Variants in ELMO1 observed in about 807,000 individuals in gnomAD.
ELMO1 encodes the protein engulfment and cell motility 1, also known as engulfment and cell motility protein 1.
Under a neutral mutation model 98.9 loss-of-function variants are expected in ELMO1, and 26 were observed. The ratio of observed to expected loss-of-function variants is 0.26; its 90% confidence interval spans 0.19 to 0.36. The LOEUF is 0.36. ELMO1 is among the 10% of genes least tolerant of loss of function. The pLI, the probability that ELMO1 is intolerant of heterozygous loss-of-function variation, is 1.00. For synonymous variants in ELMO1, 346 were observed against 346.0 expected, an observed-to-expected ratio of 1.00 and a Z score of 0.00; for missense variants, 627 against 935.2, an observed-to-expected ratio of 0.67 and a Z score of 4.30.
intron 4 of ELMO1, among the ~76,000 whole-genome samples, chr7:37,295,648 A>G (rs1157416989): frequency 1.3e-5 from 2 of 152,230 alleles, no homozygotes; most frequent in Non-Finnish European, 2.9e-5. Flanking sequence ...GTCTTTTTAA[A>G]AAGCACCTAT....
intron 16 of ELMO1, among the ~76,000 whole-genome samples, chr7:36,949,775 C>T (rs1376643061): frequency 6.6e-6 from 1 of 152,066 alleles, no homozygotes; most frequent in African/African-American, 2.4e-5. Context: ...CTGGCCTCTG[C>T]TCACTAGATA....
chr7:37,343,487 C>CTT (rs10571805), intron 1 of ELMO1, among the ~76,000 whole-genome samples: 456 of 92,754 alleles, frequency 4.9e-3, no homozygotes, highest in Middle Eastern at 0.014. Context: ...TAGCCCATTT[C>CTT]TTTTTTTTTT....
chr7:37,229,021 T>G (rs941715843), intron 8 of ELMO1, among the ~76,000 whole-genome samples: 1 of 152,032 alleles, frequency 6.6e-6, no homozygotes, highest in African/African-American at 2.4e-5. Context: ...AAACCAGCCA[T>G]GGAGAACATG....
intron 8 of ELMO1, among the ~76,000 whole-genome samples, chr7:37,231,079 G>C (rs1280680364): frequency 1.3e-5 from 2 of 152,138 alleles, no homozygotes; most frequent in African/African-American, 4.8e-5. Flanking sequence ...TTCCTTTTCT[G>C]TGTGTTTTCT....
intron 2 of ELMO1, among the ~76,000 whole-genome samples, chr7:37,332,664 G>T (rs1452123821): frequency 6.6e-6 from 1 of 152,236 alleles, no homozygotes; most frequent in Non-Finnish European, 1.5e-5. Flanking sequence ...ATTTGTGTTT[G>T]TGAAAGGAGA....
chr7:36,882,439 C>A (rs2129047676), intron 18 of ELMO1, among the ~76,000 whole-genome samples: 1 of 152,324 alleles, frequency 6.6e-6, no homozygotes, highest in South Asian at 2.1e-4. Context: ...AGGGAAACAA[C>A]TATTGATACA....
intron 15 of ELMO1, among the ~76,000 whole-genome samples, chr7:37,034,375 A>T (rs1234173693): frequency 1.3e-5 from 2 of 152,180 alleles, no homozygotes; most frequent in Non-Finnish European, 2.9e-5. Flanking sequence ...CCTTGATCTC[A>T]GACTCTGGCC....
intron 13 of ELMO1, among the ~76,000 whole-genome samples, chr7:37,190,300 ATTAT>A (rs1380532072): frequency 3.3e-5 from 5 of 152,176 alleles, no homozygotes; most frequent in Non-Finnish European, 5.9e-5. Flanking sequence ...AATAGTAATA[ATTAT>A]TTAATAATCC....
intron 13 of ELMO1, among the ~76,000 whole-genome samples, chr7:37,203,513 C>A (rs1563074989): frequency 6.6e-6 from 1 of 152,100 alleles, no homozygotes; most frequent in Non-Finnish European, 1.5e-5. Flanking sequence ...TCCAGATAGT[C>A]CCCCTACAAT....
chr7:37,294,814 A>G (rs2130984775), intron 4 of ELMO1, among the ~76,000 whole-genome samples: 1 of 152,302 alleles, frequency 6.6e-6, no homozygotes, highest in South Asian at 2.1e-4. Flanking sequence ...AGCCTGGCCA[A>G]CACAGTGAAA....
intron 15 of ELMO1, among the ~76,000 whole-genome samples, chr7:37,041,979 C>T (rs1219867039): frequency 6.6e-6 from 1 of 151,882 alleles, no homozygotes; most frequent in African/African-American, 2.4e-5. Context: ...CTTGACAGCC[C>T]TATTTTGTTA....
At chr7:37,228,768 C>G (rs570134747) in intron 8 of ELMO1, among the ~76,000 whole-genome samples, 4 of 151,980 alleles carry the variant, frequency 2.6e-5, no homozygotes, top group African/African-American at 9.7e-5. Context: ...TTTGGGAGGC[C>G]GAGGCGGGTG....
At chr7:37,279,406 A>T (rs1797023882) in intron 4 of ELMO1, among the ~76,000 whole-genome samples, 1 of 152,192 alleles carries the variant, frequency 6.6e-6, no homozygotes, top group Non-Finnish European at 1.5e-5. Flanking sequence ...TTTTAGCTCC[A>T]GATAGACTGC....
chr7:37,426,487 T>G (rs775024340), intron 1 of ELMO1, among the ~76,000 whole-genome samples: 1 of 152,068 alleles, frequency 6.6e-6, no homozygotes, highest in Admixed American at 6.5e-5. Flanking sequence ...CTAGTAGTAA[T>G]TAATTCAAAA....
At chr7:37,332,874 C>T (rs1414510938) in intron 2 of ELMO1, among the ~76,000 whole-genome samples, 2 of 152,102 alleles carry the variant, frequency 1.3e-5, no homozygotes, top group South Asian at 2.1e-4. Flanking sequence ...AAGGAAGAAG[C>T]GTGGCCTGGC....
At chr7:37,341,287 C>G (rs1340368276) in intron 2 of ELMO1, among the ~76,000 whole-genome samples, 1 of 152,240 alleles carries the variant, frequency 6.6e-6, no homozygotes, top group Non-Finnish European at 1.5e-5. Context: ...CCACTGGTCT[C>G]TTAGGCTGTG....
chr7:37,268,200 G>T (rs1443326821), intron 5 of ELMO1, among the ~76,000 whole-genome samples: 1 of 152,202 alleles, frequency 6.6e-6, no homozygotes, highest in Non-Finnish European at 1.5e-5. Flanking sequence ...ATGGCAGGTA[G>T]GAGACACTAC....
At chr7:37,216,575 AAAG>A in intron 11 of ELMO1, 67 bp downstream of exon 11, 1 of 1,570,610 alleles carries the variant, frequency 6.4e-7, no homozygotes, top group Non-Finnish European at 8.8e-7. Context: ...ACTGAAGCCA[AAAG>A]AAGAGATTAA....
At chr7:37,068,368 G>A (rs1197153838) in intron 15 of ELMO1, among the ~76,000 whole-genome samples, 2 of 152,172 alleles carry the variant, frequency 1.3e-5, no homozygotes, top group Non-Finnish European at 2.9e-5. Flanking sequence ...CCTATTCTTA[G>A]TAATAGAATA....
Sources: gnomAD v4.1 joint callset for allele counts (sites outside exome capture counted in the v4.1 genomes callset) on GRCh38, gnomAD v4.1.1 for gene constraint, MANE v1.5 for transcripts, NCBI Gene and HGNC (gene_info 2026-07-23, HGNC 2026-07-21) for gene names.